The following SPSB1 variants were observed in gnomAD, a reference collection of about 807,000 sequenced individuals.
SPSB1 encodes the protein splA/ryanodine receptor domain and SOCS box containing 1.
SPSB1 carries 8 observed loss-of-function variants against 21.2 expected under a neutral mutation model. The ratio of observed to expected loss-of-function variants is 0.38; its 90% CI spans 0.22 to 0.68. The LOEUF (loss-of-function observed/expected upper bound fraction) is 0.68. Among genes scored for constraint, SPSB1 ranks in the 30% least tolerant of loss-of-function variants. The pLI, the probability that SPSB1 is intolerant of heterozygous loss-of-function variation, is 0.53. For synonymous variants in SPSB1, 169 were observed against 161.7 expected, an observed-to-expected ratio of 1.05 and a Z score of -0.34; for missense variants, 242 against 377.8, an observed-to-expected ratio of 0.64 and a Z score of 2.98.
intron 2 of SPSB1, among the ~76,000 whole-genome samples, chr1:9,361,906 G>A (rs1302972744): frequency 6.6e-6 from 1 of 152,234 alleles, no homozygotes; most frequent in African/African-American, 2.4e-5. Context: ...GGGAGCCCCT[G>A]ACCTTGTGGG....
Position 9,356,660 on chromosome 1 carries a change from G to A in SPSB1, c.694+75G>A, listed in dbSNP as rs145936172. 5.9e-6 allele frequency: 9 copies of A among 1,515,030 alleles called. No homozygotes were observed. The highest frequency in any genetic ancestry group is 7.1e-6 in the Non-Finnish European group (8 of 1,134,428). The allele number at this position is 1,515,030 out of a possible 1,614,324, so 93.8% of individuals were successfully genotyped here. A position where few individuals can be genotyped will look rare whatever the true frequency, so the allele number is the denominator to read the frequency against. ...GGTCCTGGCTGGGCTCAGGCCAAAA[G>A]TTGATTCATTGGAACTAGAGTGTTT... is the stretch of plus-strand genomic sequence containing the variant. On this transcript the variant is annotated intron_variant, in intron 2 of 2. Coordinates refer to ENST00000328089, the MANE Select transcript of SPSB1 (RefSeq NM_025106.4). The surrounding 1 kb of genome is among the most constrained non-coding windows in gnomAD (Gnocchi z 7.4).
chr1:9,368,287 GC>G lies in SPSB1; in HGVS notation c.*715del, dbSNP rs2100527067. On this transcript the variant is annotated 3_prime_UTR_variant, in exon 3 of 3. Coordinates refer to ENST00000328089, the MANE Select transcript of SPSB1 (RefSeq NM_025106.4). ...GTTCTGTTACTTTCCTTCCACCTGT[GC>G]CCTCCCTGGGATATGTATGCCTCGC... 6.6e-6 allele frequency: 1 copy of G among 152,650 alleles called. No individual in the cohort carries two copies. Among genetic ancestry groups the G allele is most frequent in the South Asian group, 2.1e-4 (1 of 4,824 alleles). The allele number at this position is 152,650 out of a possible 1,614,324, so 9.5% of individuals were successfully genotyped here.
At chr1:9,334,907 C>T (rs1452601235) in intron 1 of SPSB1, among the ~76,000 whole-genome samples, 2 of 152,202 alleles carry the variant, frequency 1.3e-5, no homozygotes, top group South Asian at 2.1e-4. Context: ...AATATTTCAT[C>T]GTGGGGATGG....
Position 9,361,156 on chromosome 1 carries a change from C to CCTTTTTTTTTTTTTTTTTTTTTTTTT in SPSB1, c.694+4571_694+4572insCTTTTTTTTTTTTTTTTTTTTTTTTT, listed in dbSNP as rs1553128958. Among the ~76,000 whole-genome samples, 10 of 102,578 alleles carry CCTTTTTTTTTTTTTTTTTTTTTTTTT rather than the reference C, an allele frequency of 9.7e-5. 3 individuals carry two copies. Among genetic ancestry groups the CCTTTTTTTTTTTTTTTTTTTTTTTTT allele is most frequent in the South Asian group, 3.3e-4 (1 of 2,994 alleles). 67.3% of individuals were successfully genotyped at this position (102,578 alleles called of 152,430 possible). A position where few individuals can be genotyped will look rare whatever the true frequency, so the allele number is the denominator to read the frequency against. On this transcript the variant is annotated intron_variant, in intron 2 of 2. Transcript: ENST00000328089. ...CAGGCATGGCTGGATCTGTCATTTTCTTTTTTTTTTTTTTTTTTTTTTTTT... is the reference window on the plus strand; with the variant it reads ...CAGGCATGGCTGGATCTGTCATTTTCCTTTTTTTTTTTTTTTTTTTTTTTTTTTTTTTTTTTTTTTTTTTTTTTTTT...
At chr1:9,355,695 T>C in intron 1 of SPSB1, 48 bp from the exon 2 acceptor site, 3 of 1,294,748 alleles carry the variant, frequency 2.3e-6, no homozygotes, top group Non-Finnish European at 2.9e-6. Flanking sequence ...AACTTTCCCC[T>C]TCATCCCACA....
intron 1 of SPSB1, among the ~76,000 whole-genome samples, chr1:9,301,335 C>A (rs1366254331): frequency 2.0e-5 from 3 of 151,982 alleles, no homozygotes; most frequent in African/African-American, 7.3e-5. Flanking sequence ...CCCGCCATCT[C>A]TACAAAAATA....
At chr1:9,309,331 T>A (rs28619204) in intron 1 of SPSB1, among the ~76,000 whole-genome samples, 6 of 125,366 alleles carry the variant, frequency 4.8e-5, no homozygotes, top group African/African-American at 9.2e-5. Flanking sequence ...TGTGTGTGTG[T>A]GTGAGTGACA....
chr1:9,316,363 G>C (rs1639612462), intron 1 of SPSB1, among the ~76,000 whole-genome samples: 1 of 152,200 alleles, frequency 6.6e-6, no homozygotes, highest in Non-Finnish European at 1.5e-5. Flanking sequence ...AGCCCCTGGG[G>C]CACAAGGGAG....
At chr1:9,297,121 G>A (rs1273823938) in intron 1 of SPSB1, among the ~76,000 whole-genome samples, 2 of 152,158 alleles carry the variant, frequency 1.3e-5, no homozygotes, top group South Asian at 4.1e-4. Flanking sequence ...GTCAGGAGAT[G>A]TGACTGTGAG....
At chr1:9,328,679 G>A (rs1378701728) in intron 1 of SPSB1, among the ~76,000 whole-genome samples, 1 of 152,208 alleles carries the variant, frequency 6.6e-6, no homozygotes, top group Non-Finnish European at 1.5e-5. Flanking sequence ...TTGACACAGG[G>A]TCACAGGTGT....
intron 1 of SPSB1, chr1:9,294,564 T>C (rs552919835): frequency 6.6e-6 from 1 of 152,340 alleles, no homozygotes; most frequent in Non-Finnish European, 1.5e-5. Context: ...CTACACAGTT[T>C]GGGGGTGAGT....
chr1:9,360,662 TGC>T (rs1640457106), intron 2 of SPSB1, among the ~76,000 whole-genome samples: 2 of 152,164 alleles, frequency 1.3e-5, no homozygotes, highest in Admixed American at 1.3e-4. Flanking sequence ...TTCCCCAGGG[TGC>T]TCCACCTGTG....
intron 1 of SPSB1, among the ~76,000 whole-genome samples, chr1:9,326,495 C>T (rs1569601932): frequency 6.6e-6 from 1 of 152,230 alleles, no homozygotes; most frequent in Non-Finnish European, 1.5e-5. Flanking sequence ...CACCTCGAGA[C>T]CACCAGAGTC....
chr1:9,362,919 G>C (rs901362988), intron 2 of SPSB1, among the ~76,000 whole-genome samples: 1 of 152,234 alleles, frequency 6.6e-6, no homozygotes, highest in African/African-American at 2.4e-5. Context: ...TAAGCTTCCT[G>C]GGGATGGGCA....
chr1:9,360,202 C>A (rs1640446559), intron 2 of SPSB1, among the ~76,000 whole-genome samples: 1 of 143,952 alleles, frequency 6.9e-6, no homozygotes, highest in Non-Finnish European at 1.5e-5. Flanking sequence ...TGCTTAGAGG[C>A]CAGGAGGGTG....
chr1:9,322,069 G>A (rs909270465), intron 1 of SPSB1, among the ~76,000 whole-genome samples: 2 of 151,942 alleles, frequency 1.3e-5, no homozygotes, highest in Non-Finnish European at 2.9e-5. Context: ...TGCACTCCCC[G>A]AGCACCCATC....
chr1:9,306,876 C>T (rs1281723548), intron 1 of SPSB1, among the ~76,000 whole-genome samples: 3 of 151,506 alleles, frequency 2.0e-5, no homozygotes, highest in Non-Finnish European at 4.4e-5. Flanking sequence ...CAGATGTGCT[C>T]TGTGACATTG....
rs114332584 is a variant in SPSB1, at chr1:9,300,987, C to A, written c.-150+7916C>A. On this transcript the variant is annotated intron_variant, in intron 1 of 2. Coordinates refer to ENST00000328089, the MANE Select transcript of SPSB1 (RefSeq NM_025106.4). ...AAGTGGACAGCTGCAGCACTATAGC[C>A]CCTTGCTGGGACACCTCTGAAGGAT... 3.0e-3 allele frequency among the ~76,000 whole-genome samples: 450 copies of A among 152,352 alleles called. 2 individuals carry two copies. Among genetic ancestry groups the A allele is most frequent in the African/African-American group, 0.01 (433 of 41,576 alleles).
chr1:9,341,116 G>A (rs1640084090), intron 1 of SPSB1, among the ~76,000 whole-genome samples: 1 of 152,128 alleles, frequency 6.6e-6, no homozygotes, highest in African/African-American at 2.4e-5. Context: ...TTCCCCTTGT[G>A]TTCTCAAAAT....
Sources: gnomAD v4.1 joint callset for allele counts (sites outside exome capture counted in the v4.1 genomes callset) on GRCh38, gnomAD v4.1.1 for gene constraint, Gnocchi (gnomAD v3.1) non-coding constraint, MANE v1.5 for transcripts, NCBI Gene and HGNC (gene_info 2026-07-23, HGNC 2026-07-21) for gene names.